The following AKAP6 variants were observed in gnomAD, a reference collection of about 807,000 sequenced individuals.
AKAP6 encodes the protein A-kinase anchor protein 6.
In AKAP6, 58 loss-of-function variants were observed where a neutral mutation model predicts 188.5. The ratio of observed to expected loss-of-function variants is 0.31; its 90% confidence interval spans 0.25 to 0.38. AKAP6 has a LOEUF of 0.38. Ranked by LOEUF, AKAP6 falls within the 10% of genes least tolerant of loss-of-function variation. AKAP6 has a pLI of 1.00. For missense variants in AKAP6, 2,710 were observed against 2,740.0 expected (o/e 0.99, Z 0.24); for synonymous variants, 989 against 998.6 (o/e 0.99, Z 0.18).
intron 2 of AKAP6, among the ~76,000 whole-genome samples, chr14:32,436,325 T>C (rs1009335607): frequency 1.3e-5 from 2 of 152,202 alleles, no homozygotes; most frequent in Non-Finnish European, 2.9e-5. Flanking sequence ...AATCTCCACT[T>C]GTGTCTCTAG....
intron 1 of AKAP6, among the ~76,000 whole-genome samples, chr14:32,353,386 C>G (rs191560940): frequency 1.3e-5 from 2 of 152,110 alleles, no homozygotes; most frequent in Non-Finnish European, 2.9e-5. Context: ...ACGGTGAAAC[C>G]CTGTCTCTAC....
chr14:32,444,137 TA>T (rs1209845586), intron 2 of AKAP6, among the ~76,000 whole-genome samples: 2 of 152,016 alleles, frequency 1.3e-5, no homozygotes, highest in African/African-American at 4.8e-5. Context: ...AATAATGTGG[TA>T]AAAAAACAAA....
chr14:32,827,593 CT>C (rs2034706574), intron 13 of AKAP6, among the ~76,000 whole-genome samples: 1 of 152,146 alleles, frequency 6.6e-6, no homozygotes, highest in Non-Finnish European at 1.5e-5. Context: ...GTGCTTTTCA[CT>C]ATTTTCATTT....
At chr14:32,402,611 A>G (rs1260703194) in intron 1 of AKAP6, among the ~76,000 whole-genome samples, 2 of 152,220 alleles carry the variant, frequency 1.3e-5, no homozygotes, top group East Asian at 3.9e-4. Flanking sequence ...TGCAAACTTG[A>G]CTATACAGCT....
intron 7 of AKAP6, among the ~76,000 whole-genome samples, chr14:32,642,522 T>A (rs766938851): frequency 9.2e-5 from 14 of 152,200 alleles, no homozygotes; most frequent in Non-Finnish European, 1.8e-4. Context: ...CTAAGTTGAT[T>A]TATTTTTTAC....
At chr14:32,454,655 CT>C (rs1891062150) in intron 2 of AKAP6, among the ~76,000 whole-genome samples, 1 of 69,838 alleles carries the variant, frequency 1.4e-5, no homozygotes, top group African/African-American at 2.1e-4. Context: ...CTCCTTCCCT[CT>C]CTCCTTCCCT....
intron 2 of AKAP6, among the ~76,000 whole-genome samples, chr14:32,516,463 C>T (rs563848050): frequency 6.6e-6 from 1 of 152,282 alleles, no homozygotes; most frequent in Admixed American, 6.5e-5. Flanking sequence ...GGTGAAACTC[C>T]TCTCTTCTGT....
intron 9 of AKAP6, among the ~76,000 whole-genome samples, chr14:32,724,990 TAAAAAAAA>T (rs71432079): frequency 1.5e-3 from 53 of 34,916 alleles, no homozygotes; most frequent in African/African-American, 3.6e-3. Flanking sequence ...ATATTCAACC[TAAAAAAAA>T]AAAAAAAAAA....
At chr14:32,746,224 C>T (rs1203454478) in intron 11 of AKAP6, among the ~76,000 whole-genome samples, 2 of 152,222 alleles carry the variant, frequency 1.3e-5, no homozygotes, top group East Asian at 3.9e-4. Context: ...CCTCTGCTCT[C>T]CTCAAGCAGA....
intron 12 of AKAP6, among the ~76,000 whole-genome samples, chr14:32,800,061 C>A (rs111286722): frequency 0.32 from 43,883 of 136,646 alleles, 7,113 homozygotes; most frequent in South Asian, 0.49. Flanking sequence ...CTCTCTCTCT[C>A]TATATATATA....
At chr14:32,696,809 T>C (rs1250352246) in intron 9 of AKAP6, among the ~76,000 whole-genome samples, 1 of 149,490 alleles carries the variant, frequency 6.7e-6, no homozygotes, top group South Asian at 2.1e-4. Flanking sequence ...AAAAAAAAAA[T>C]GGTTGCAGGA....
intron 13 of AKAP6, among the ~76,000 whole-genome samples, chr14:32,826,842 A>G (rs1372128205): frequency 6.6e-6 from 1 of 152,164 alleles, no homozygotes; most frequent in Admixed American, 6.5e-5. Flanking sequence ...AGTCAGCAGT[A>G]TTTTTTGTTA....
At chr14:32,800,113 TACACATATATATAC>T (rs1174430981) in intron 12 of AKAP6, among the ~76,000 whole-genome samples, 60 of 145,678 alleles carry the variant, frequency 4.1e-4, no homozygotes, top group African/African-American at 8.5e-4. Flanking sequence ...GAAATATATA[TACACATATATATAC>T]ACACATATAT....
chr14:32,356,795 C>G (rs1183070310), intron 1 of AKAP6, among the ~76,000 whole-genome samples: 1 of 151,806 alleles, frequency 6.6e-6, no homozygotes, highest in East Asian at 1.9e-4. Flanking sequence ...TTTTTCATGC[C>G]CTAAACCTTT....
rs1490933870 is a variant in AKAP6 at position 32,568,090 on chromosome 14, G to T, written c.2347-9030G>T. On this transcript the variant is annotated intron_variant, in intron 4 of 13. Coordinates refer to ENST00000280979, the MANE Select transcript of AKAP6 (RefSeq NM_004274.5). The surrounding 1 kb of genome is among the most constrained non-coding windows in gnomAD (Gnocchi z 6.2). ...AAAGAGAGAGCACAGAGTACAGGAA[G>T]AATGATCTAAAATAGGGCTCTGATA... 6.6e-6 allele frequency among the ~76,000 whole-genome samples: 1 copy of T among 152,128 alleles called. No homozygotes were observed. The highest frequency in any genetic ancestry group is 2.4e-5 in the African/African-American group (1 of 41,438).
At chr14:32,344,058 A>C in intron 1 of AKAP6, among the ~76,000 whole-genome samples, 1 of 152,184 alleles carries the variant, frequency 6.6e-6, no homozygotes, top group East Asian at 1.9e-4. Flanking sequence ...GTATTCCCCA[A>C]GGAGCTGGCC....
chr14:32,663,726 C>T lies in AKAP6; in HGVS notation c.2731-14585C>T, dbSNP rs542997969. 1.4e-4 allele frequency among the ~76,000 whole-genome samples: 22 copies of T among 152,064 alleles called. No homozygotes were observed. The South Asian group carries it at 1.5e-3, about 10-fold the overall frequency. On this transcript the variant is annotated intron_variant, in intron 7 of 13. Coordinates refer to ENST00000280979, the MANE Select transcript of AKAP6 (RefSeq NM_004274.5). ...CAAGAGCAGCTAGGGAGGAGGCTGG[C>T]GTGATGGACAGCAAAGGCCAAAGAA...
chr14:32,786,296 A>T (rs141168682), intron 12 of AKAP6, among the ~76,000 whole-genome samples: 92 of 93,594 alleles, frequency 9.8e-4, no homozygotes, highest in African/African-American at 1.2e-3. Context: ...CTAAACCTTT[A>T]TCTTTTTTTT....
At chr14:32,398,780 T>TTCTCTCTCTC (rs55959454) in intron 1 of AKAP6, among the ~76,000 whole-genome samples, 1 of 131,252 alleles carries the variant, frequency 7.6e-6, no homozygotes, top group African/African-American at 3.0e-5. Flanking sequence ...TTCTTTTCTT[T>TTCTCTCTCTC]TCTCTCTCTC....
Sources: allele counts gnomAD v4.1 joint callset (sites outside exome capture counted in the v4.1 genomes callset), GRCh38; gene constraint gnomAD v4.1.1; non-coding constraint Gnocchi (gnomAD v3.1); transcripts MANE v1.5; gene names NCBI Gene and HGNC (gene_info 2026-07-23, HGNC 2026-07-21).